Variants in PCDHA4 observed in about 807,000 individuals in gnomAD.
PCDHA4 encodes the protein protocadherin alpha 4, also known as protocadherin alpha-4.
In PCDHA4, 49 loss-of-function variants were observed where a neutral mutation model predicts 61.4. The ratio of observed to expected loss-of-function variants is 0.80; its 90% CI spans 0.63 to 1.01. The LOEUF (loss-of-function observed/expected upper bound fraction) is 1.01, where lower values mean the gene tolerates loss of function less well. PCDHA4 is among the 50% of genes least tolerant of loss of function. The pLI is 0.00. For synonymous variants in PCDHA4, 590 were observed against 550.3 expected, an observed-to-expected ratio of 1.07 and a Z score of -1.01; for missense variants, 1,254 against 1,235.8, an observed-to-expected ratio of 1.01 and a Z score of -0.22.
At chr5:140,893,510 G>A (rs1554185640) in intron 1 of PCDHA4, among the ~76,000 whole-genome samples, 1 of 152,148 alleles carries the variant, frequency 6.6e-6, no homozygotes, top group African/African-American at 2.4e-5. Flanking sequence ...AAAAAAAGCA[G>A]TTGTAGAACT....
At chr5:140,928,252 G>T in intron 1 of PCDHA4, 1 of 1,614,208 alleles carries the variant, frequency 6.2e-7, no homozygotes, top group Non-Finnish European at 8.5e-7. Flanking sequence ...GGAACTTTTC[G>T]TTGCTGAAAA....
chr5:140,927,136 G>A (rs2083883058), intron 1 of PCDHA4: 3 of 1,613,986 alleles, frequency 1.9e-6, no homozygotes, highest in African/African-American at 2.7e-5. Flanking sequence ...AGAGCCGGCG[G>A]ACCGCGAACA....
intron 1 of PCDHA4, chr5:140,822,564 GA>G: frequency 6.2e-7 from 1 of 1,613,090 alleles, no homozygotes; most frequent in Non-Finnish European, 8.5e-7. Context: ...TTATTAAACT[GA>G]ACGCCTCAGA....
chr5:140,862,489 C>T (rs1385240823), intron 1 of PCDHA4: 1 of 384,600 alleles, frequency 2.6e-6, no homozygotes, highest in Non-Finnish European at 5.2e-6. Context: ...TGTTGGTAAT[C>T]GCTCGGAATG....
chr5:140,855,687 GA>G (rs1455055346), intron 1 of PCDHA4, among the ~76,000 whole-genome samples: 4 of 149,608 alleles, frequency 2.7e-5, no homozygotes, highest in Admixed American at 2.0e-4. Context: ...CTACATTTAA[GA>G]AAACATTGCA....
intron 1 of PCDHA4, chr5:140,857,579 G>A (rs782552455): frequency 3.1e-6 from 5 of 1,596,586 alleles, no homozygotes; most frequent in East Asian, 2.2e-5. Flanking sequence ...GTCGGTGCAC[G>A]CGGAGAGCGG....
chr5:140,896,564 A>G (rs1475217228), intron 1 of PCDHA4, among the ~76,000 whole-genome samples: 1 of 150,096 alleles, frequency 6.7e-6, no homozygotes, highest in African/African-American at 2.5e-5. Flanking sequence ...TTAAGTAGAG[A>G]TGGGGTTTTG....
chr5:140,915,463 T>C (rs2077131577), intron 1 of PCDHA4, among the ~76,000 whole-genome samples: 1 of 152,184 alleles, frequency 6.6e-6, no homozygotes, highest in East Asian at 1.9e-4. Flanking sequence ...AGAAGGTTTT[T>C]ATTTGAAGGA....
In PCDHA4 at chr5:140,869,461, A is replaced by G. The variant is rs372195509; in HGVS notation, c.2385+59889A>G. ...CAGGCCGCTGCAGGTTTTCCATGTG[A>G]ACGTGGAGGTGAAGGACATTAACGA... On this transcript the variant is annotated intron_variant, in intron 1 of 3. Transcript: ENST00000530339. 5.8e-5 allele frequency: 94 copies of G among 1,614,148 alleles called. No homozygotes were observed. In the African/African-American group the frequency reaches 7.9e-4, roughly 13 times the overall value.
intron 1 of PCDHA4, among the ~76,000 whole-genome samples, chr5:140,902,660 C>A (rs1322922634): frequency 1.3e-5 from 2 of 152,116 alleles, no homozygotes; most frequent in Non-Finnish European, 2.9e-5. Flanking sequence ...GCACCTGTCA[C>A]CCAAGCAGTG....
rs139576828 is a variant in PCDHA4 at position 140,850,837 on chromosome 5, G to T, written c.2385+41265G>T. 6 of 1,597,642 alleles carry T rather than the reference G, an allele frequency of 3.8e-6. No individual in the cohort carries two copies. In the African/African-American group the frequency reaches 8.1e-5, roughly 21 times the overall value. On this transcript the variant is annotated intron_variant, in intron 1 of 3. Transcript: ENST00000530339. The stretch of plus-strand genomic sequence containing the variant: ...AGCCCGGGCCTTTCTCCTTGTGCTG[G>T]ATCTACAGAGCGAACGGGAGAACCC...
rs3776115 is a variant in PCDHA4 at position 140,970,956 on chromosome 5, G to A, written c.2386-7993G>A. Among the ~76,000 whole-genome samples, 119 of 152,278 alleles carry A rather than the reference G, an allele frequency of 7.8e-4. 3 individuals carry two copies. In the East Asian group the frequency reaches 0.019, roughly 25 times the overall value. On this transcript the variant is annotated intron_variant, in intron 1 of 3. Coordinates refer to ENST00000530339, the MANE Select transcript of PCDHA4 (RefSeq NM_018907.4). The stretch of plus-strand genomic sequence containing the variant: ...TAGTCAATGCTGAGAAACCATGGGA[G>A]GCAGATTGTAGATTAAGAAAAATGG...
chr5:140,870,551 C>G (rs1554164401), intron 1 of PCDHA4: 11 of 1,614,022 alleles, frequency 6.8e-6, no homozygotes, highest in African/African-American at 1.3e-5. Flanking sequence ...GACGCGGACG[C>G]GCAGGAGAAC....
At chr5:140,833,769 G>A (rs2150211252) in intron 1 of PCDHA4, among the ~76,000 whole-genome samples, 5,218 of 144,902 alleles carry the variant, frequency 0.036, 318 homozygotes, top group African/African-American at 0.13. Context: ...CACACACACC[G>A]CTTTCTAAGT....
At chr5:140,870,826 G>T (rs781804523) in intron 1 of PCDHA4, 16 of 1,613,638 alleles carry the variant, frequency 9.9e-6, no homozygotes, top group Non-Finnish European at 1.3e-5. Context: ...CGCGGGAGGC[G>T]CAGTTAACAA....
In PCDHA4 at chr5:140,927,525, T is replaced by G. The variant is rs782496581; in HGVS notation, c.2386-51424T>G. ...TTACAGCTCGGGACGGCGGGCTACC[T>G]GCCCGCTCAGGAGACGCACAAGTCA... On this transcript the variant is annotated intron_variant, in intron 1 of 3. Transcript: ENST00000530339. 3.1e-6 allele frequency: 5 copies of G among 1,614,088 alleles called. 1 individual carries two copies. In the South Asian group the frequency reaches 5.5e-5, roughly 18 times the overall value.
intron 1 of PCDHA4, chr5:140,877,758 G>T (rs782480713): frequency 6.2e-7 from 1 of 1,614,190 alleles, no homozygotes; most frequent in East Asian, 2.2e-5. Flanking sequence ...GCTCTGCAGA[G>T]AGCCCGCCCA....
chr5:140,875,306 C>T, intron 1 of PCDHA4: 1 of 1,420,166 alleles, frequency 7.0e-7, no homozygotes, highest in Admixed American at 2.9e-5. Context: ...TTCTCCGCAC[C>T]CACATTCCAA....
chr5:140,822,343 T>G lies in PCDHA4; in HGVS notation c.2385+12771T>G, dbSNP rs2150115683. 5 of 1,614,104 alleles carry G rather than the reference T, an allele frequency of 3.1e-6. No individual in the cohort carries two copies. The Admixed American group carries it at 8.3e-5, about 27-fold the overall frequency. ...TAAAACAAATGAAGAAGAAACGAACTTTTTAGAGCTGGTTTTGAGGAAATC... is the reference window on the plus strand; with the variant it reads ...TAAAACAAATGAAGAAGAAACGAACGTTTTAGAGCTGGTTTTGAGGAAATC... On this transcript the variant is annotated intron_variant, in intron 1 of 3. Transcript: ENST00000530339.
Sources: gnomAD v4.1 joint callset for allele counts (sites outside exome capture counted in the v4.1 genomes callset) on GRCh38, gnomAD v4.1.1 for gene constraint, MANE v1.5 for transcripts, NCBI Gene and HGNC (gene_info 2026-07-23, HGNC 2026-07-21) for gene names.